THAP5: variants seen among roughly 807,000 people sequenced by gnomAD.
THAP5 encodes THAP domain-containing protein 5.
THAP5 carries 26 observed loss-of-function variants against 34.0 expected under a neutral mutation model. The observed-to-expected ratio is 0.77, with a 90% CI of 0.56 to 1.06. THAP5 has a LOEUF of 1.06. Among genes scored for constraint, THAP5 ranks in the 50% least tolerant of loss-of-function variants. The pLI is 0.00. For synonymous variants in THAP5, 125 were observed against 153.0 expected, an observed-to-expected ratio of 0.82 and a Z score of 1.35; for missense variants, 394 against 452.8, an observed-to-expected ratio of 0.87 and a Z score of 1.18.
At chr7:108,568,664 G>A (rs1286499317) in intron 1 of THAP5, 1 of 154,522 alleles carries the variant, frequency 6.5e-6, no homozygotes, top group Non-Finnish European at 1.5e-5. Flanking sequence ...AAGAAAAAAT[G>A]GAAATGCAGT....
rs928556195 is a variant in THAP5 at position 108,564,748 on chromosome 7, T to G, written c.631A>C (p.Asn211His). ...AAAGATTGATGAATACTTTCTGAATTTGAAGTTGTCAAAGTAATAGTTGTA... is the reference window on the plus strand; with the variant it reads ...AAAGATTGATGAATACTTTCTGAATGTGAAGTTGTCAAAGTAATAGTTGTA... ...NSTTITLTTSNSESIHQSLET... is the reference protein window; with the variant it reads ...NSTTITLTTSHSESIHQSLET... The change falls in exon 3 of 3, where the codon AAT becomes CAT. Residue 211 changes from asparagine (N) to histidine (H), a missense_variant. Physicochemically the swap from Asn to His is moderately conservative, Grantham distance 68 (BLOSUM62 1). Coordinates refer to ENST00000415914, the MANE Select transcript of THAP5 (RefSeq NM_001130475.3). 2.5e-6 allele frequency: 4 copies of G among 1,613,332 alleles called. No homozygotes were observed. Among genetic ancestry groups the G allele is most frequent in the Non-Finnish European group, 3.4e-6 (4 of 1,179,628 alleles).
chr7:108,553,599 C>G (rs983645511), downstream of THAP5, among the ~76,000 whole-genome samples: 1 of 152,034 alleles, frequency 6.6e-6, no homozygotes, highest in Non-Finnish European at 1.5e-5. Flanking sequence ...TTCCTTTTGC[C>G]CATACCAAAA....
the THAP5 span, among the ~76,000 whole-genome samples, chr7:108,542,620 G>A: frequency 1.1e-3 from 168 of 152,186 alleles, no homozygotes; most frequent in African/African-American, 3.9e-3. Flanking sequence ...GTGCCACCAC[G>A]CCCAGCTAAT....
downstream of THAP5, among the ~76,000 whole-genome samples, chr7:108,552,805 A>G (rs1017161888): frequency 7.5e-4 from 10 of 13,326 alleles, no homozygotes; most frequent in South Asian, 6.4e-3. Context: ...GTCTCAGGGG[A>G]AAAAAAAAAA....
the THAP5 span, among the ~76,000 whole-genome samples, chr7:108,543,933 A>T: frequency 6.6e-6 from 1 of 152,178 alleles, no homozygotes; most frequent in Non-Finnish European, 1.5e-5. Flanking sequence ...TTTCCTATAT[A>T]TAATGGGGGG....
downstream of THAP5, among the ~76,000 whole-genome samples, chr7:108,561,652 AAAGG>A (rs1367763849): frequency 6.6e-6 from 1 of 152,050 alleles, no homozygotes; most frequent in African/African-American, 2.4e-5. Context: ...GAGAGGCAGG[AAAGG>A]AAGGGAGGAG....
At chr7:108,558,051 A>G (rs994735531), downstream of THAP5, among the ~76,000 whole-genome samples, 2 of 152,060 alleles carry the variant, frequency 1.3e-5, no homozygotes, top group African/African-American at 2.4e-5. Flanking sequence ...ACACATTTGT[A>G]AACAACCACA....
intron 1 of THAP5, among the ~76,000 whole-genome samples, chr7:108,556,269 C>G (rs1295312459): frequency 6.6e-6 from 1 of 152,164 alleles, no homozygotes; most frequent in Non-Finnish European, 1.5e-5. Flanking sequence ...CATTTCAAGA[C>G]ACAATCATGC....
downstream of THAP5, among the ~76,000 whole-genome samples, chr7:108,560,071 CTATT>C (rs1444366470): frequency 2.6e-5 from 4 of 152,104 alleles, no homozygotes; most frequent in African/African-American, 7.2e-5. Flanking sequence ...TATGTTAAAA[CTATT>C]TATTAGTTCA....
the THAP5 span, among the ~76,000 whole-genome samples, chr7:108,542,207 G>A: frequency 6.6e-6 from 1 of 152,060 alleles, no homozygotes; most frequent in African/African-American, 2.4e-5. Context: ...TATATATTAT[G>A]TAGCATGGTG....
In THAP5 at chr7:108,564,748, T is replaced by C. The variant is rs928556195; in HGVS notation, c.631A>G (p.Asn211Asp). Reference protein sequence around the residue: ...NSTTITLTTSNSESIHQSLET... With the variant: ...NSTTITLTTSDSESIHQSLET... ...AAAGATTGATGAATACTTTCTGAATTTGAAGTTGTCAAAGTAATAGTTGTA... is the reference window on the plus strand; with the variant it reads ...AAAGATTGATGAATACTTTCTGAATCTGAAGTTGTCAAAGTAATAGTTGTA... The change falls in exon 3 of 3, where the codon AAT becomes GAT. Residue 211 changes from asparagine (N) to aspartate (D), a missense_variant. Asn to Asp is a conservative substitution (Grantham distance 23). Coordinates refer to ENST00000415914, the MANE Select transcript of THAP5 (RefSeq NM_001130475.3). 16 of 1,613,450 alleles carry C rather than the reference T, an allele frequency of 9.9e-6. No homozygotes were observed. Among genetic ancestry groups the C allele is most frequent in the Middle Eastern group, 1.7e-4 (1 of 6,058 alleles).
chr7:108,553,195 C>T (rs1564007451), downstream of THAP5, among the ~76,000 whole-genome samples: 4 of 152,082 alleles, frequency 2.6e-5, no homozygotes, highest in South Asian at 6.2e-4. Flanking sequence ...TTGAGGCCCT[C>T]GATGCTGCTC....
chr7:108,548,576 A>G, the THAP5 span, among the ~76,000 whole-genome samples: 5 of 152,152 alleles, frequency 3.3e-5, no homozygotes, highest in Admixed American at 3.3e-4. Flanking sequence ...AAGACTGGCT[A>G]ATTTATAAAG....
downstream of THAP5, among the ~76,000 whole-genome samples, chr7:108,558,803 TATC>T (rs1302924706): frequency 5.3e-5 from 8 of 152,182 alleles, no homozygotes; most frequent in African/African-American, 1.7e-4. Context: ...TCTGTGTGGT[TATC>T]ATGAAATACA....
At chr7:108,558,377 G>GTGTGTGTATATATATATATATATATA (rs1401164750), downstream of THAP5, among the ~76,000 whole-genome samples, 217 of 62,630 alleles carry the variant, frequency 3.5e-3, 6 homozygotes, top group Middle Eastern at 7.0e-3. Flanking sequence ...ATGTGTGTGT[G>GTGTGTGTATATATATATATATATATA]TATGTATATA....
chr7:108,564,014 A>T lies in THAP5; in HGVS notation c.*177T>A. 4.0e-6 allele frequency: 2 copies of T among 503,060 alleles called. No individual in the cohort carries two copies. Among genetic ancestry groups the T allele is most frequent in the Non-Finnish European group, 3.4e-6 (1 of 296,782 alleles). 31.2% of individuals were successfully genotyped at this position (503,060 alleles called of 1,614,324 possible). On this transcript the variant is annotated 3_prime_UTR_variant, in exon 3 of 3. Transcript: ENST00000415914. ...TAAAACTGCTTTTCTCTCCAGCCCA[A>T]CTCTCTGGTTTTTCTTAAATAAGTA...
downstream of THAP5, among the ~76,000 whole-genome samples, chr7:108,561,412 C>T (rs1864429469): frequency 6.7e-6 from 1 of 149,658 alleles, no homozygotes; most frequent in South Asian, 2.1e-4. Flanking sequence ...TACAGGCACG[C>T]ACCACCATGC....
downstream of THAP5, among the ~76,000 whole-genome samples, chr7:108,560,192 G>A (rs1385452400): frequency 6.6e-6 from 1 of 152,166 alleles, no homozygotes; most frequent in Non-Finnish European, 1.5e-5. Context: ...TTAGTTACAA[G>A]CTCAAGGCAA....
chr7:108,544,461 G>A, the THAP5 span, among the ~76,000 whole-genome samples: 8 of 151,690 alleles, frequency 5.3e-5, no homozygotes, highest in Non-Finnish European at 1.2e-4. Flanking sequence ...AACCTGGGAG[G>A]CAGAGGTTGC....
Sources: gnomAD v4.1 joint callset for allele counts (sites outside exome capture counted in the v4.1 genomes callset) on GRCh38, gnomAD v4.1.1 for gene constraint, MANE v1.5 for transcripts, NCBI Gene and HGNC (gene_info 2026-07-23, HGNC 2026-07-21) for gene names.